Variants in CIB1 observed in about 807,000 individuals in gnomAD.
CIB1 encodes the protein calcium and integrin binding 1.
Under a neutral mutation model 25.0 loss-of-function variants are expected in CIB1, and 19 were observed. The ratio of observed to expected loss-of-function variants is 0.76; its 90% CI spans 0.53 to 1.12. CIB1 has a LOEUF of 1.12. Ranked by LOEUF, CIB1 falls within the 50% of genes most tolerant of loss-of-function variation. CIB1 has a pLI of 0.00. For synonymous variants in CIB1, 104 were observed against 98.5 expected (o/e 1.06, Z -0.33); for missense variants, 236 against 242.6 (o/e 0.97, Z 0.18).
upstream of CIB1, among the ~76,000 whole-genome samples, chr15:90,238,737 A>G (rs949502326): frequency 5.9e-5 from 9 of 152,212 alleles, no homozygotes; most frequent in African/African-American, 1.2e-4. Context: ...TGCATGACCA[A>G]TTGGAATCAC....
chr15:90,253,146 C>T, the CIB1 span: 4 of 762,846 alleles, frequency 5.2e-6, no homozygotes, highest in East Asian at 2.7e-5. Context: ...CCCTCTTCAA[C>T]CTGCCCTCGG....
At chr15:90,233,998 C>T (rs1043739615), upstream of CIB1, 1 of 1,225,878 alleles carries the variant, frequency 8.2e-7, no homozygotes, top group Admixed American at 3.1e-5. Flanking sequence ...CTCCTGGGGC[C>T]ACCACCCCCG....
chr15:90,246,125 T>C, the CIB1 span, among the ~76,000 whole-genome samples: 2 of 151,906 alleles, frequency 1.3e-5, no homozygotes, highest in African/African-American at 2.4e-5. Flanking sequence ...ATACAAAAAT[T>C]AACCGGGCAT....
At chr15:90,242,355 G>T in the CIB1 span, 1 of 220,592 alleles carries the variant, frequency 4.5e-6, no homozygotes, top group Non-Finnish European at 8.7e-6. Flanking sequence ...GAACTCTTGG[G>T]CTGAAGCAGT....
chr15:90,247,124 C>T, the CIB1 span, among the ~76,000 whole-genome samples: 4 of 151,748 alleles, frequency 2.6e-5, no homozygotes, highest in East Asian at 1.9e-4. Flanking sequence ...TACAGGCGTG[C>T]GCCACCATGC....
the CIB1 span, chr15:90,250,734 C>G: frequency 6.2e-7 from 1 of 1,614,162 alleles, no homozygotes; most frequent in Non-Finnish European, 8.5e-7. Context: ...CCCTCTAACT[C>G]TTCACAGCAG....
chr15:90,230,207 C>CCAGT lies in CIB1; in HGVS notation c.*273_*276dup, dbSNP rs1468609070. 5.8e-6 allele frequency: 3 copies of CCAGT among 514,868 alleles called. No individual in the cohort carries two copies. The highest frequency in any genetic ancestry group is 3.5e-5 in the Admixed American group (1 of 28,806). 31.9% of individuals were successfully genotyped at this position (514,868 alleles called of 1,614,324 possible). A position where few individuals can be genotyped will look rare whatever the true frequency, so the allele number is the denominator to read the frequency against. On this transcript the variant is annotated 3_prime_UTR_variant, in exon 7 of 7. Transcript: ENST00000328649. ...GATTGAAGGCTCTTAGAAGAGAAGT[C>CCAGT]CAGTCCTTCCTCATACCAGTGTATC...
At chr15:90,252,578 C>T in the CIB1 span, among the ~76,000 whole-genome samples, 1 of 152,160 alleles carries the variant, frequency 6.6e-6, no homozygotes, top group Non-Finnish European at 1.5e-5. Flanking sequence ...CAATCTCCAG[C>T]TAGGTCCTTC....
chr15:90,230,379 C>T lies in CIB1; in HGVS notation c.*105G>A, dbSNP rs1478646823. The T allele has an allele frequency of 5.1e-6, 7 of 1,379,216 alleles. No homozygotes were observed. The East Asian group carries it at 1.0e-4, about 20-fold the overall frequency. The allele number at this position is 1,379,216 out of a possible 1,614,324, so 85.4% of individuals were successfully genotyped here. ...GAGGCTGCACAGCGCCAGCTCCAGG[C>T]TGGGCCAGCTTGGCCCGCACTGGCA... On this transcript the variant is annotated 3_prime_UTR_variant, in exon 7 of 7. Transcript: ENST00000328649.
In CIB1 at chr15:90,230,973, T is replaced by C; in HGVS notation, c.515A>G (p.Glu172Gly). 6.2e-7 allele frequency: 1 copy of C among 1,614,136 alleles called. No homozygotes were observed. Among genetic ancestry groups the C allele is most frequent in the Non-Finnish European group, 8.5e-7 (1 of 1,180,018 alleles). The part of the protein sequence containing the change: ...IDRDGTINLS[E>G]FQHVISRSPD... Reference sequence around the variant, plus strand: ...AGAACGGGAGATGACGTGCTGGAACTCAGAGAGGTTGATGGTTCCATCCCT... The same window carrying C: ...AGAACGGGAGATGACGTGCTGGAACCCAGAGAGGTTGATGGTTCCATCCCT... Residue 172 changes from glutamate (E) to glycine (G), a missense_variant, in exon 6 of 7, where the codon GAG becomes GGG. Glu to Gly is a moderately conservative substitution (Grantham distance 98, BLOSUM62 -2). Transcript: ENST00000328649.
chr15:90,239,252 C>T, the CIB1 span, among the ~76,000 whole-genome samples: 1 of 150,736 alleles, frequency 6.6e-6, no homozygotes, highest in South Asian at 2.1e-4. Flanking sequence ...AAAATTTACT[C>T]GATATATATA....
upstream of CIB1, among the ~76,000 whole-genome samples, chr15:90,235,507 C>CT (rs1962614652): frequency 6.6e-6 from 1 of 152,016 alleles, no homozygotes; most frequent in Non-Finnish European, 1.5e-5. Flanking sequence ...GAGTGAGACT[C>CT]TGTCTCAAAA....
chr15:90,251,705 G>A, the CIB1 span: 40 of 1,256,538 alleles, frequency 3.2e-5, no homozygotes, highest in African/African-American at 3.0e-4. Flanking sequence ...GGGGCCTGGC[G>A]GGCTTGCCTC....
At chr15:90,250,163 T>C in the CIB1 span, among the ~76,000 whole-genome samples, 1 of 152,004 alleles carries the variant, frequency 6.6e-6, no homozygotes, top group South Asian at 2.1e-4. Flanking sequence ...TTCACCGTGC[T>C]AGCCAGGCTG....
At chr15:90,245,483 A>AAAG in the CIB1 span, 3 of 151,868 alleles carry the variant, frequency 2.0e-5, no homozygotes, top group African/African-American at 7.3e-5. Context: ...AAAAAAAAAA[A>AAAG]AAAAGAAAAA....
At chr15:90,264,754 C>T in the CIB1 span, 1 of 1,536,126 alleles carries the variant, frequency 6.5e-7, no homozygotes, top group Admixed American at 2.0e-5. Context: ...AAGCCATAAA[C>T]CGAGTCCTGG....
At chr15:90,239,440 G>A in the CIB1 span, among the ~76,000 whole-genome samples, 6 of 152,030 alleles carry the variant, frequency 3.9e-5, no homozygotes, top group African/African-American at 1.4e-4. Flanking sequence ...GGGTGGACAG[G>A]CCTCAGGAAA....
rs971960119 is a variant in CIB1 at position 90,233,892 on chromosome 15, G to A, written c.-7C>T. Reference sequence around the variant, plus strand: ...GACTGCCCGAGCCCCCCATCGCCCCGCCGCGCGCACAGCTCCGCCAACTCG... The same window carrying A: ...GACTGCCCGAGCCCCCCATCGCCCCACCGCGCGCACAGCTCCGCCAACTCG... On this transcript the variant is annotated 5_prime_UTR_variant, in exon 1 of 7. Transcript: ENST00000328649. 3 of 1,467,782 alleles carry A rather than the reference G, an allele frequency of 2.0e-6. No individual in the cohort carries two copies. Among genetic ancestry groups the A allele is most frequent in the African/African-American group, 1.4e-5 (1 of 69,894 alleles). The allele number at this position is 1,467,782 out of a possible 1,614,324, so 90.9% of individuals were successfully genotyped here. A position where few individuals can be genotyped will look rare whatever the true frequency, so the allele number is the denominator to read the frequency against.
At chr15:90,239,455 C>A in the CIB1 span, among the ~76,000 whole-genome samples, 2 of 152,090 alleles carry the variant, frequency 1.3e-5, no homozygotes, top group African/African-American at 4.8e-5. Flanking sequence ...AGGAAACTTA[C>A]AATCATGACA....
Sources: allele counts gnomAD v4.1 joint callset (sites outside exome capture counted in the v4.1 genomes callset), GRCh38; gene constraint gnomAD v4.1.1; transcripts MANE v1.5; gene names NCBI Gene and HGNC (gene_info 2026-07-23, HGNC 2026-07-21).